Variants in TMEM131L observed in about 807,000 individuals in gnomAD.
TMEM131L encodes transmembrane protein 131-like.
TMEM131L carries 54 observed loss-of-function variants against 192.2 expected under a neutral mutation model. The ratio of observed to expected loss-of-function variants is 0.28; its 90% CI spans 0.23 to 0.35. TMEM131L has a LOEUF of 0.35. Ranked by LOEUF, TMEM131L falls within the 10% of genes least tolerant of loss-of-function variation. The probability of loss-of-function intolerance (pLI) is 1.00; values close to 1 mark genes in which losing one functional copy is unlikely to be tolerated. For synonymous variants in TMEM131L, 701 were observed against 704.9 expected (o/e 0.99, Z 0.09); for missense variants, 1,888 against 1,972.9 (o/e 0.96, Z 0.82).
chr4:153,559,340 A>G (rs1728698649), intron 7 of TMEM131L, among the ~76,000 whole-genome samples: 1 of 152,188 alleles, frequency 6.6e-6, no homozygotes, highest in Admixed American at 6.5e-5. Context: ...GACTTCTTTT[A>G]ATTTGCAAAT....
chr4:153,542,221 A>G (rs780637987), intron 3 of TMEM131L, among the ~76,000 whole-genome samples: 5 of 152,190 alleles, frequency 3.3e-5, no homozygotes, highest in Non-Finnish European at 4.4e-5. Context: ...TGGAAGAGAT[A>G]GGCAGAGGAA....
At chr4:153,635,629 G>T in intron 34 of TMEM131L, 58 bp downstream of exon 34, 2 of 1,588,544 alleles carry the variant, frequency 1.3e-6, no homozygotes, top group South Asian at 1.1e-5. Flanking sequence ...TGTTTCCACT[G>T]CTTCCTTAAT....
intron 3 of TMEM131L, among the ~76,000 whole-genome samples, chr4:153,530,254 A>G (rs1179757215): frequency 6.6e-6 from 1 of 152,146 alleles, no homozygotes; most frequent in African/African-American, 2.4e-5. Context: ...ACTTAAACTG[A>G]TAGTTTAAGT....
chr4:153,593,453 A>G (rs1308792092), intron 18 of TMEM131L, among the ~76,000 whole-genome samples: 1 of 152,208 alleles, frequency 6.6e-6, no homozygotes, highest in East Asian at 1.9e-4. Context: ...CCCGTGGGAT[A>G]AAATTGCCTT....
intron 32 of TMEM131L, 140 bp from the exon 33 acceptor site, chr4:153,634,052 T>C (rs960911666): frequency 1.4e-6 from 1 of 708,232 alleles, no homozygotes; most frequent in Non-Finnish European, 2.5e-6. Context: ...ATTCTGTGAC[T>C]TGAGAAAGTA....
At chr4:153,633,929 A>G (rs1288884202) in intron 32 of TMEM131L, among the ~76,000 whole-genome samples, 2 of 152,198 alleles carry the variant, frequency 1.3e-5, no homozygotes, top group Admixed American at 6.5e-5. Flanking sequence ...ACGGCTCTCT[A>G]TTCTGTCTCT....
intron 3 of TMEM131L, among the ~76,000 whole-genome samples, chr4:153,532,205 T>C (rs746178303): frequency 5.9e-5 from 9 of 152,248 alleles, no homozygotes; most frequent in Non-Finnish European, 1.2e-4. Flanking sequence ...TACAAAGCAC[T>C]GCATAATTAT....
At chr4:153,628,356 C>A (rs934597208) in intron 31 of TMEM131L, among the ~76,000 whole-genome samples, 14 of 152,182 alleles carry the variant, frequency 9.2e-5, no homozygotes, top group African/African-American at 3.4e-4. Context: ...CCTCTTCTGC[C>A]TCTCTTTGTC....
In TMEM131L at chr4:153,570,343, C is replaced by T. The variant is rs1729505191; in HGVS notation, c.661-10483C>T. On this transcript the variant is annotated intron_variant, in intron 7 of 34. Transcript: ENST00000409959. ...AGAGAGGGAAGGAAGTTGGAGAGAG[C>T]CTCACCTTGGTTTCCGCTTGAATTC... Among the ~76,000 whole-genome samples, 3 of 152,272 alleles carry T rather than the reference C, an allele frequency of 2.0e-5. No individual in the cohort carries two copies. In the South Asian group the frequency reaches 6.2e-4, roughly 32 times the overall value.
chr4:153,467,123 C>A, intron 1 of TMEM131L, 88 bp from the exon 2 acceptor site: 1 of 1,271,602 alleles, frequency 7.9e-7, no homozygotes, highest in Non-Finnish European at 1.1e-6. Context: ...TTTGGTGAGG[C>A]GGGGGGCACG....
At chr4:153,548,473 T>A (rs572507339) in intron 3 of TMEM131L, among the ~76,000 whole-genome samples, 240 of 152,114 alleles carry the variant, frequency 1.6e-3, no homozygotes, top group African/African-American at 5.6e-3. Context: ...CCCAGCTAAT[T>A]TTTGTATTTT....
At chr4:153,576,675 T>TAAAAA (rs11313932) in intron 7 of TMEM131L, among the ~76,000 whole-genome samples, 38 of 141,218 alleles carry the variant, frequency 2.7e-4, no homozygotes, top group African/African-American at 9.4e-4. Flanking sequence ...GTAGATTTCT[T>TAAAAA]AAAAAAAAAA....
At chr4:153,519,155 G>A (rs1226546659) in intron 3 of TMEM131L, among the ~76,000 whole-genome samples, 2 of 152,198 alleles carry the variant, frequency 1.3e-5, no homozygotes, top group African/African-American at 4.8e-5. Flanking sequence ...TTGTAGACCT[G>A]CTGGTGAGCT....
chr4:153,585,572 T>C lies in TMEM131L; in HGVS notation c.1272T>C (p.Asn424=), dbSNP rs1730647579. ...RNHFDRSVVL[N]DVFLSKETKH... Reference sequence around the variant, plus strand: ...ATTTTGACCGTAGTGTTGTATTAAATGATGTGTTTCTTTCCAAGGAGACCA... The same window carrying C: ...ATTTTGACCGTAGTGTTGTATTAAACGATGTGTTTCTTTCCAAGGAGACCA... Residue 424 remains asparagine, a synonymous_variant, in exon 13 of 35, where the codon AAT becomes AAC. Transcript: ENST00000409959. 6.2e-7 allele frequency: 1 copy of C among 1,613,902 alleles called. No individual in the cohort carries two copies. Among genetic ancestry groups the C allele is most frequent in the African/African-American group, 1.3e-5 (1 of 74,924 alleles).
intron 21 of TMEM131L, among the ~76,000 whole-genome samples, chr4:153,601,774 A>C (rs1347489900): frequency 6.6e-6 from 1 of 152,226 alleles, no homozygotes; most frequent in Non-Finnish European, 1.5e-5. Flanking sequence ...AGTGAGAATT[A>C]CAGGGCATGG....
Position 153,555,776 on chromosome 4 carries a change from T to C in TMEM131L, c.309-11T>C. On this transcript the variant is annotated splice_polypyrimidine_tract_variant and intron_variant, in intron 4 of 34. Transcript: ENST00000409959. The surrounding 1 kb of genome is among the most constrained non-coding windows in gnomAD (Gnocchi z 4.1). ...CAATACATTGATTTTTCTCTTTGTT[T>C]CTCCTCCTAGGTTCCTGGGACATCC... The C allele has an allele frequency of 6.5e-7, 1 of 1,549,238 alleles. No homozygotes were observed. Among genetic ancestry groups the C allele is most frequent in the Non-Finnish European group, 8.7e-7 (1 of 1,145,034 alleles).
intron 6 of TMEM131L, 29 bp from the exon 7 acceptor site, chr4:153,558,229 G>A (rs1728613593): frequency 3.3e-6 from 4 of 1,229,774 alleles, no homozygotes; most frequent in Non-Finnish European, 4.8e-6. Flanking sequence ...ACTCTTAACA[G>A]AGGAGCAATT....
chr4:153,592,862 T>C (rs946853025), intron 18 of TMEM131L, among the ~76,000 whole-genome samples: 1 of 152,216 alleles, frequency 6.6e-6, no homozygotes, highest in Non-Finnish European at 1.5e-5. Context: ...CATGTTTTTT[T>C]CACATATACT....
chr4:153,477,657 A>G (rs1431461419), intron 3 of TMEM131L, among the ~76,000 whole-genome samples: 4 of 152,256 alleles, frequency 2.6e-5, no homozygotes, highest in Non-Finnish European at 5.9e-5. Context: ...GGATGTATGA[A>G]TATATACATG....
Sources: gnomAD v4.1 joint callset for allele counts (sites outside exome capture counted in the v4.1 genomes callset) on GRCh38, gnomAD v4.1.1 for gene constraint, Gnocchi (gnomAD v3.1) non-coding constraint, MANE v1.5 for transcripts, NCBI Gene and HGNC (gene_info 2026-07-23, HGNC 2026-07-21) for gene names.